DOCK1: variants seen among roughly 807,000 people sequenced by gnomAD.
DOCK1 encodes dedicator of cytokinesis 1.
DOCK1 carries 138 observed loss-of-function variants against 262.7 expected under a neutral mutation model. The ratio of observed to expected loss-of-function variants is 0.53; its 90% CI spans 0.46 to 0.61. DOCK1 has a LOEUF of 0.61. Among genes scored for constraint, DOCK1 ranks in the 20% least tolerant of loss-of-function variants. The pLI is 0.00. For missense variants in DOCK1, 1,908 were observed against 2,370.7 expected (o/e 0.80, Z 4.05); for synonymous variants, 866 against 867.4 (o/e 1.00, Z 0.03).
At chr10:126,964,210 T>C (rs2037491675) in intron 1 of DOCK1, among the ~76,000 whole-genome samples, 1 of 152,216 alleles carries the variant, frequency 6.6e-6, no homozygotes, top group Non-Finnish European at 1.5e-5. Flanking sequence ...TCTGTTTCTC[T>C]CTACATGGTG....
At chr10:127,154,465 T>G (rs1256027048) in intron 27 of DOCK1, among the ~76,000 whole-genome samples, 1 of 152,252 alleles carries the variant, frequency 6.6e-6, no homozygotes, top group East Asian at 1.9e-4. Flanking sequence ...GATCCGAAAT[T>G]CAAATTTCAG....
chr10:127,230,615 G>T (rs900740492), intron 27 of DOCK1, among the ~76,000 whole-genome samples: 2 of 151,988 alleles, frequency 1.3e-5, no homozygotes, highest in African/African-American at 4.8e-5. Context: ...CTGTTTCATT[G>T]GTCGATGAGT....
At chr10:126,924,359 GT>G (rs2033501829) in intron 1 of DOCK1, among the ~76,000 whole-genome samples, 1 of 132,300 alleles carries the variant, frequency 7.6e-6, no homozygotes, top group African/African-American at 2.9e-5. Flanking sequence ...GAACTCAGTA[GT>G]GGGAGGCTGT....
chr10:127,269,844 G>T (rs185372321), intron 29 of DOCK1, among the ~76,000 whole-genome samples: 5 of 152,202 alleles, frequency 3.3e-5, no homozygotes, highest in Non-Finnish European at 1.5e-5. Flanking sequence ...GGACAGTGAC[G>T]CCCACCACCC....
intron 37 of DOCK1, among the ~76,000 whole-genome samples, chr10:127,382,846 T>G (rs1040897855): frequency 6.6e-6 from 1 of 152,260 alleles, no homozygotes; most frequent in Non-Finnish European, 1.5e-5. Flanking sequence ...TCATTGGATT[T>G]ATTGAGTACA....
chr10:126,926,432 CAT>C (rs1402623151), intron 1 of DOCK1, among the ~76,000 whole-genome samples: 1 of 152,082 alleles, frequency 6.6e-6, no homozygotes, highest in Non-Finnish European at 1.5e-5. Flanking sequence ...TAAGTATTTT[CAT>C]ATATTTACAT....
intron 11 of DOCK1, among the ~76,000 whole-genome samples, 155 bp downstream of exon 11, chr10:127,008,959 A>T (rs1591629733): frequency 6.6e-6 from 1 of 152,162 alleles, no homozygotes; most frequent in African/African-American, 2.4e-5. Flanking sequence ...AGTACATGGA[A>T]TTTTTTGTAG....
At chr10:127,041,307 A>T (rs1442969637) in intron 19 of DOCK1, among the ~76,000 whole-genome samples, 1 of 152,184 alleles carries the variant, frequency 6.6e-6, no homozygotes, top group Non-Finnish European at 1.5e-5. Flanking sequence ...CATGTTGGTC[A>T]GGCTGGTCTC....
chr10:127,366,139 G>C (rs1004839862), intron 33 of DOCK1, among the ~76,000 whole-genome samples: 6 of 152,006 alleles, frequency 3.9e-5, no homozygotes, highest in Admixed American at 1.3e-4. Flanking sequence ...CTGAACTGTT[G>C]GTTCAGAGTC....
intron 33 of DOCK1, among the ~76,000 whole-genome samples, chr10:127,363,054 C>CACACAT (rs57628351): frequency 3.4e-5 from 2 of 58,862 alleles, no homozygotes; most frequent in African/African-American, 1.7e-4. Context: ...CACACACACA[C>CACACAT]GTACATCCCC....
At chr10:126,917,413 C>G (rs1277347036) in intron 1 of DOCK1, among the ~76,000 whole-genome samples, 1 of 152,116 alleles carries the variant, frequency 6.6e-6, no homozygotes, top group Non-Finnish European at 1.5e-5. Flanking sequence ...GTTCTCTGAT[C>G]AGATTTCCTC....
At chr10:127,197,804 C>CT (rs2057278780) in intron 27 of DOCK1, among the ~76,000 whole-genome samples, 1 of 152,158 alleles carries the variant, frequency 6.6e-6, no homozygotes, top group Non-Finnish European at 1.5e-5. Context: ...CTATCACTGC[C>CT]TTATAGAGTG....
intron 3 of DOCK1, among the ~76,000 whole-genome samples, chr10:126,978,999 A>T (rs1329977152): frequency 6.6e-6 from 1 of 152,176 alleles, no homozygotes; most frequent in Non-Finnish European, 1.5e-5. Context: ...TGGCACAGTC[A>T]TGTCTAATGT....
chr10:127,170,318 CT>C lies in DOCK1; in HGVS notation c.2847+42555del, dbSNP rs2054450580. Among the ~76,000 whole-genome samples the C allele has an allele frequency of 1.3e-5, 2 of 152,282 alleles. 1 individual carries two copies. Among genetic ancestry groups the C allele is most frequent in the African/African-American group, 4.8e-5 (2 of 41,566 alleles). ...CTACCTGCTGGTCATGTTTAAGGGC[CT>C]GGGGTCCTCTTGCTCTCTCCCCCTA... On this transcript the variant is annotated intron_variant, in intron 27 of 51. Transcript: ENST00000623213.
chr10:127,015,883 G>T, intron 12 of DOCK1: 1 of 152,754 alleles, frequency 6.5e-6, no homozygotes, highest in East Asian at 1.9e-4. Flanking sequence ...CCTTCAGATA[G>T]ACCACAGTCC....
chr10:127,369,756 T>C (rs768871129), intron 33 of DOCK1, among the ~76,000 whole-genome samples: 16 of 152,106 alleles, frequency 1.1e-4, no homozygotes, highest in Non-Finnish European at 2.1e-4. Flanking sequence ...TTGACGGACG[T>C]AGGAGGATGT....
At chr10:127,211,859 C>G (rs773775516) in intron 27 of DOCK1, among the ~76,000 whole-genome samples, 1 of 152,196 alleles carries the variant, frequency 6.6e-6, no homozygotes, top group East Asian at 1.9e-4. Context: ...CGCTGCTGGA[C>G]TCTTGCAAAT....
intron 33 of DOCK1, among the ~76,000 whole-genome samples, chr10:127,371,961 A>C (rs550598971): frequency 7.9e-5 from 12 of 152,340 alleles, no homozygotes; most frequent in Admixed American, 5.2e-4. Context: ...AATCTAAAGC[A>C]ATTCATTCCT....
chr10:127,361,983 G>A (rs1488979672), intron 32 of DOCK1, 81 bp from the exon 33 acceptor site: 9 of 1,404,870 alleles, frequency 6.4e-6, no homozygotes, highest in Non-Finnish European at 8.6e-6. Context: ...AGTGATCTGT[G>A]TTGTGTTGTT....
Sources: gnomAD v4.1 joint callset for allele counts (sites outside exome capture counted in the v4.1 genomes callset) on GRCh38, gnomAD v4.1.1 for gene constraint, MANE v1.5 for transcripts, NCBI Gene and HGNC (gene_info 2026-07-23, HGNC 2026-07-21) for gene names.